Variants in FAM184A observed in about 807,000 individuals in gnomAD.
The protein encoded by FAM184A is family with sequence similarity 184 member A.
A neutral mutation model predicts 143.8 loss-of-function variants in FAM184A; 99 were observed. The ratio of observed to expected loss-of-function variants is 0.69; its 90% CI spans 0.58 to 0.81. The LOEUF is 0.81. Ranked by LOEUF, FAM184A falls within the 40% of genes least tolerant of loss-of-function variation. The pLI, the probability that FAM184A is intolerant of heterozygous loss-of-function variation, is 0.00. For missense variants in FAM184A, 1,217 were observed against 1,310.5 expected (o/e 0.93, Z 1.10); for synonymous variants, 427 against 446.4 (o/e 0.96, Z 0.55).
intron 1 of FAM184A, among the ~76,000 whole-genome samples, chr6:119,041,281 GGACTGAGA>G (rs1786318065): frequency 6.6e-6 from 1 of 152,020 alleles, no homozygotes; most frequent in South Asian, 2.1e-4. Flanking sequence ...TGATGAGATG[GGACTGAGA>G]GACAAGACTA....
At chr6:119,054,740 A>G (rs1786893946) in intron 1 of FAM184A, among the ~76,000 whole-genome samples, 1 of 152,190 alleles carries the variant, frequency 6.6e-6, no homozygotes, top group African/African-American at 2.4e-5. Flanking sequence ...AAATCTGTGA[A>G]GTTATATGTT....
intron 9 of FAM184A, among the ~76,000 whole-genome samples, chr6:119,002,371 G>A (rs2114638766): frequency 6.6e-6 from 1 of 152,242 alleles, no homozygotes; most frequent in South Asian, 2.1e-4. Flanking sequence ...AAATGTTATG[G>A]AAATAAGCAA....
chr6:119,016,454 G>A (rs557624030), intron 5 of FAM184A, among the ~76,000 whole-genome samples: 9 of 151,962 alleles, frequency 5.9e-5, no homozygotes, highest in Non-Finnish European at 1.3e-4. Flanking sequence ...TGGGAGGAAC[G>A]AACAACTCCA....
intron 1 of FAM184A, among the ~76,000 whole-genome samples, chr6:119,028,170 T>C (rs1259505898): frequency 2.6e-5 from 4 of 152,234 alleles, no homozygotes; most frequent in African/African-American, 9.7e-5. Flanking sequence ...AGCATTTAGC[T>C]GGCTGGTCCC....
intron 1 of FAM184A, among the ~76,000 whole-genome samples, chr6:119,030,008 G>T (rs1031992356): frequency 2.6e-5 from 4 of 151,960 alleles, no homozygotes; most frequent in African/African-American, 9.7e-5. Context: ...AATAATAAAA[G>T]ATCTAAATTT....
chr6:119,109,064 T>G (rs1330823118), intron 1 of FAM184A, among the ~76,000 whole-genome samples: 1 of 151,968 alleles, frequency 6.6e-6, no homozygotes, highest in African/African-American at 2.4e-5. Flanking sequence ...TATTCTCTCT[T>G]TGTAAATTAT....
At chr6:119,119,988 GATA>G (rs1046151842) in intron 1 of FAM184A, among the ~76,000 whole-genome samples, 12 of 152,022 alleles carry the variant, frequency 7.9e-5, no homozygotes, top group East Asian at 3.9e-4. Flanking sequence ...TGCCCCAAAT[GATA>G]ATAATAATAG....
intron 1 of FAM184A, among the ~76,000 whole-genome samples, chr6:119,139,170 T>G (rs78023647): frequency 9.7e-4 from 147 of 152,304 alleles, no homozygotes; most frequent in African/African-American, 3.4e-3. Context: ...TGCTTTCCTT[T>G]TAGTTTTGTT....
chr6:119,137,279 T>C (rs1789697169), intron 1 of FAM184A, among the ~76,000 whole-genome samples: 2 of 150,960 alleles, frequency 1.3e-5, no homozygotes, highest in Non-Finnish European at 3.0e-5. Context: ...TGTGTATGTG[T>C]GTGTATGCTT....
chr6:119,037,263 T>C (rs565524942), intron 1 of FAM184A, among the ~76,000 whole-genome samples: 45 of 152,196 alleles, frequency 3.0e-4, no homozygotes, highest in Non-Finnish European at 4.9e-4. Context: ...TTACAGTCAA[T>C]TAAATATCAT....
chr6:118,962,835 T>C (rs937008127), intron 16 of FAM184A: 5 of 152,126 alleles, frequency 3.3e-5, no homozygotes, highest in Admixed American at 3.3e-4. Context: ...AAATAAAAAT[T>C]AACATGTTAC....
intron 1 of FAM184A, among the ~76,000 whole-genome samples, chr6:119,095,597 T>G (rs1788484781): frequency 6.6e-6 from 1 of 152,180 alleles, no homozygotes; most frequent in Admixed American, 6.5e-5. Flanking sequence ...GGTACTCTGT[T>G]GCCCAGGCTA....
intron 15 of FAM184A, among the ~76,000 whole-genome samples, chr6:118,966,184 G>C (rs1030972386): frequency 1.3e-5 from 2 of 152,160 alleles, no homozygotes; most frequent in Non-Finnish European, 2.9e-5. Context: ...GCATGCTAAA[G>C]TCCAAAGTCT....
At chr6:118,968,018 T>G (rs1248066944) in intron 14 of FAM184A, among the ~76,000 whole-genome samples, 1 of 152,138 alleles carries the variant, frequency 6.6e-6, no homozygotes, top group Non-Finnish European at 1.5e-5. Flanking sequence ...GCTAAAGATT[T>G]GGAGATAACA....
chr6:118,987,071 A>G (rs551406803), intron 9 of FAM184A, among the ~76,000 whole-genome samples: 2 of 152,224 alleles, frequency 1.3e-5, no homozygotes, highest in South Asian at 2.1e-4. Context: ...CTTATGGGGT[A>G]TGAGGAAATA....
chr6:118,965,353 A>G (rs1783470837), intron 15 of FAM184A, among the ~76,000 whole-genome samples: 1 of 151,954 alleles, frequency 6.6e-6, no homozygotes, highest in South Asian at 2.1e-4. Context: ...CGGCCTCATT[A>G]TTCTTCAGTA....
chr6:118,969,901 G>T (rs2114551365), intron 14 of FAM184A, among the ~76,000 whole-genome samples: 1 of 135,950 alleles, frequency 7.4e-6, no homozygotes, highest in Admixed American at 8.0e-5. Context: ...TGTGGAGTTT[G>T]GTTTTGTTCC....
At chr6:119,135,659 G>C (rs1436970032) in intron 1 of FAM184A, among the ~76,000 whole-genome samples, 4 of 152,128 alleles carry the variant, frequency 2.6e-5, no homozygotes, top group African/African-American at 9.7e-5. Context: ...GGAAAAGAGA[G>C]TTGAGTTTCC....
chr6:119,116,961 G>A (rs1252557267), intron 1 of FAM184A, among the ~76,000 whole-genome samples: 3 of 152,190 alleles, frequency 2.0e-5, no homozygotes, highest in Non-Finnish European at 4.4e-5. Flanking sequence ...CATTCTAAAT[G>A]TTTTGACTTT....
Sources: allele counts gnomAD v4.1 joint callset (sites outside exome capture counted in the v4.1 genomes callset), GRCh38; gene constraint gnomAD v4.1.1; transcripts MANE v1.5; gene names NCBI Gene and HGNC (gene_info 2026-07-23, HGNC 2026-07-21).